CNR1: variants seen among roughly 807,000 people sequenced by gnomAD.
CNR1 encodes the protein cannabinoid receptor 1 (brain).
Under a neutral mutation model 23.0 loss-of-function variants are expected in CNR1, and 10 were observed. The ratio of observed to expected loss-of-function variants is 0.43; its 90% CI spans 0.27 to 0.74. The LOEUF (loss-of-function observed/expected upper bound fraction) is 0.74. Among genes scored for constraint, CNR1 ranks in the 30% least tolerant of loss-of-function variants. The pLI, the probability that CNR1 is intolerant of heterozygous loss-of-function variation, is 0.19. For synonymous variants in CNR1, 271 were observed against 255.2 expected, an observed-to-expected ratio of 1.06 and a Z score of -0.59; for missense variants, 422 against 618.8, an observed-to-expected ratio of 0.68 and a Z score of 3.37.
chr6:88,151,678 A>T (rs1308226079), intron 1 of CNR1, among the ~76,000 whole-genome samples: 2 of 151,398 alleles, frequency 1.3e-5, no homozygotes, highest in African/African-American at 4.8e-5. Context: ...AATATATTAT[A>T]ATAATATAAT....
rs551081072 is a variant in CNR1 at position 88,160,220 on chromosome 6, A to G, written c.-64+5583T>C. 1.6e-3 allele frequency among the ~76,000 whole-genome samples: 246 copies of G among 152,098 alleles called. 1 individual carries two copies. The highest frequency in any genetic ancestry group is 6.8e-3 in the Middle Eastern group (2 of 294). ...GCATGAGAATCGCTTGAACCCAGGA[A>G]GCGGAGGCTGCAGTGAGCCGAGATT... On this transcript the variant is annotated intron_variant, in intron 1 of 1. Coordinates refer to ENST00000369501, the MANE Select transcript of CNR1 (RefSeq NM_016083.6).
chr6:88,149,725 A>C (rs1217373824), intron 1 of CNR1, among the ~76,000 whole-genome samples: 1 of 152,184 alleles, frequency 6.6e-6, no homozygotes, highest in African/African-American at 2.4e-5. Context: ...TTATCTTTCC[A>C]GGTCTGTGCC....
At chr6:88,149,805 A>G (rs1777422676) in intron 1 of CNR1, among the ~76,000 whole-genome samples, 2 of 152,172 alleles carry the variant, frequency 1.3e-5, no homozygotes, top group Admixed American at 6.5e-5. Context: ...TCCCCAGCAC[A>G]TCCCTCTATT....
In CNR1 at chr6:88,144,567, C is replaced by T. The variant is rs577054667; in HGVS notation, c.708G>A (p.Ala236=). 42 of 1,614,210 alleles carry T rather than the reference C, an allele frequency of 2.6e-5. No homozygotes were observed. Among genetic ancestry groups the T allele is most frequent in the Middle Eastern group, 3.3e-4 (2 of 6,062 alleles). The change falls in exon 2 of 2, where the codon GCG becomes GCA. Residue 236 remains alanine (A), a synonymous_variant. Transcript: ENST00000369501. The surrounding 1 kb of genome is among the most constrained non-coding windows in gnomAD (Gnocchi z 7.8). ...RIVTRPKAVV[A]FCLMWTIAIV... ...TGGCTATGGTCCACATCAGGCAAAACGCCACCACGGCCTTGGGCCTGGTGA... is the reference window on the plus strand; with the variant it reads ...TGGCTATGGTCCACATCAGGCAAAATGCCACCACGGCCTTGGGCCTGGTGA...
chr6:88,140,384 G>A lies in CNR1; in HGVS notation c.*3472C>T, dbSNP rs75853128. The A allele has an allele frequency of 4.2e-3, 637 of 152,854 alleles. 3 individuals carry two copies. The highest frequency in any genetic ancestry group is 6.7e-3 in the Non-Finnish European group (457 of 68,010). The allele number at this position is 152,854 out of a possible 1,614,324, so 9.5% of individuals were successfully genotyped here. A position where few individuals can be genotyped will look rare whatever the true frequency, so the allele number is the denominator to read the frequency against. On this transcript the variant is annotated 3_prime_UTR_variant, in exon 2 of 2. Transcript: ENST00000369501. ...GCAATGTAAAGAAACTCTCCCATCC[G>A]AAAATTACTGATTTGTAGGCCACTG...
At chr6:88,154,385 C>T (rs759781507) in intron 1 of CNR1, among the ~76,000 whole-genome samples, 2 of 152,136 alleles carry the variant, frequency 1.3e-5, no homozygotes, top group East Asian at 1.9e-4. Flanking sequence ...TTAGGAACTA[C>T]GTGGTGATGA....
rs544173335 is a variant in CNR1 at position 88,140,612 on chromosome 6, C to A, written c.*3244G>T. ...AATATACAGTTAGAGTGTGAGAAAT[C>A]TAATTGTGTGCATGATATGGGTGGT... On this transcript the variant is annotated 3_prime_UTR_variant, in exon 2 of 2. Transcript: ENST00000369501. 2 of 152,566 alleles carry A rather than the reference C, an allele frequency of 1.3e-5. No individual in the cohort carries two copies. The highest frequency in any genetic ancestry group is 4.1e-4 in the South Asian group (2 of 4,820). 9.5% of individuals were successfully genotyped at this position (152,566 alleles called of 1,614,324 possible).
In CNR1 at chr6:88,140,839, A is replaced by T. The variant is rs1051278830; in HGVS notation, c.*3017T>A. ...GCTTGGAAATCATCTCAAGTGTAGG[A>T]CAGATGTCTACAGCATCTCTCAGAT... is the stretch of plus-strand genomic sequence containing the variant. On this transcript the variant is annotated 3_prime_UTR_variant, in exon 2 of 2. Transcript: ENST00000369501. 6.6e-6 allele frequency: 1 copy of T among 152,360 alleles called. No homozygotes were observed. Among genetic ancestry groups the T allele is most frequent in the African/African-American group, 2.4e-5 (1 of 41,450 alleles). The allele number at this position is 152,360 out of a possible 1,614,324, so 9.4% of individuals were successfully genotyped here. A position where few individuals can be genotyped will look rare whatever the true frequency, so the allele number is the denominator to read the frequency against.
intron 1 of CNR1, among the ~76,000 whole-genome samples, chr6:88,150,309 A>T (rs1777448535): frequency 6.6e-6 from 1 of 152,236 alleles, no homozygotes; most frequent in Admixed American, 6.5e-5. Context: ...TACAGAGAAA[A>T]GTCAATCTCT....
At position 88,143,927 on chromosome 6, in the gene CNR1, T is replaced by C. The variant is rs951061482; in HGVS notation, c.1348A>G (p.Ile450Val). ...ASVHRAAESC[I>V]KSTVKIAKVT... Reference sequence around the variant, plus strand: ...TTGGCAATCTTGACCGTGCTCTTGATGCAGCTTTCTGCGGCCCTGTGAACA... The same window carrying C: ...TTGGCAATCTTGACCGTGCTCTTGACGCAGCTTTCTGCGGCCCTGTGAACA... Residue 450 changes from isoleucine to valine, a missense_variant, in exon 2 of 2, where the codon ATC (isoleucine) becomes GTC (valine). This residue lies in a region of CNR1 where 79 missense variants were observed against 98.0 expected (regional missense o/e 0.81). Transcript: ENST00000369501. 5 of 1,614,038 alleles carry C rather than the reference T, an allele frequency of 3.1e-6. No individual in the cohort carries two copies. The highest frequency in any genetic ancestry group is 4.2e-6 in the Non-Finnish European group (5 of 1,180,038).
chr6:88,165,593 C>G (rs966114606), intron 1 of CNR1, among the ~76,000 whole-genome samples: 1 of 152,212 alleles, frequency 6.6e-6, no homozygotes, highest in Non-Finnish European at 1.5e-5. Context: ...GGTGCACACA[C>G]ATTCAATAAA....
intron 1 of CNR1, among the ~76,000 whole-genome samples, chr6:88,163,774 T>C (rs1251768408): frequency 6.6e-6 from 1 of 152,238 alleles, no homozygotes; most frequent in East Asian, 1.9e-4. Context: ...AGCAGTTTCA[T>C]CTTGGTAACA....
chr6:88,156,176 G>A (rs1012442271), intron 1 of CNR1, among the ~76,000 whole-genome samples: 2 of 152,154 alleles, frequency 1.3e-5, no homozygotes, highest in Admixed American at 6.5e-5. Flanking sequence ...ATGAGTGACC[G>A]TTACCATCTC....
At chr6:88,159,725 T>G (rs1299082529) in intron 1 of CNR1, among the ~76,000 whole-genome samples, 1 of 152,224 alleles carries the variant, frequency 6.6e-6, no homozygotes, top group Non-Finnish European at 1.5e-5. Flanking sequence ...ATTGTCTAGC[T>G]TTCGTTTTTC....
At chr6:88,153,808 A>C (rs1777655145) in intron 1 of CNR1, among the ~76,000 whole-genome samples, 1 of 152,258 alleles carries the variant, frequency 6.6e-6, no homozygotes, top group Non-Finnish European at 1.5e-5. Context: ...CATGCTGTCA[A>C]TATACACGGC....
In CNR1 at chr6:88,145,015, G is replaced by A. The variant is rs756153990; in HGVS notation, c.260C>T (p.Ser87Leu). 1.1e-5 allele frequency: 17 copies of A among 1,613,958 alleles called. No individual in the cohort carries two copies. Among genetic ancestry groups the A allele is most frequent in the South Asian group, 5.5e-5 (5 of 91,084 alleles). Reference protein sequence around the residue: ...NITEFYNKSLSSFKENEENIQ... With the variant: ...NITEFYNKSLLSFKENEENIQ... The stretch of plus-strand genomic sequence containing the variant: ...GTTCTCCTCATTCTCCTTGAAGGAC[G>A]AGAGAGACTTGTTGTAAAATTCTGT... Residue 87 changes from serine (S) to leucine (L), a missense_variant, in exon 2 of 2, where the codon TCG becomes TTG. This residue lies in a region of CNR1 where 120 missense variants were observed against 117.6 expected (regional missense o/e 1.02). Coordinates refer to ENST00000369501, the MANE Select transcript of CNR1 (RefSeq NM_016083.6).
Position 88,142,736 on chromosome 6 carries a change from T to C in CNR1, c.*1120A>G, listed in dbSNP as rs1186066164. On this transcript the variant is annotated 3_prime_UTR_variant, in exon 2 of 2. Transcript: ENST00000369501. ...CAGTTTTCTCACTTTATGACATTAC[T>C]GTAACAGTTACAGGACAGAAACACA... 3.9e-5 allele frequency: 6 copies of C among 152,630 alleles called. No homozygotes were observed. Among genetic ancestry groups the C allele is most frequent in the Non-Finnish European group, 8.8e-5 (6 of 68,042 alleles). 9.5% of individuals were successfully genotyped at this position (152,630 alleles called of 1,614,324 possible).
chr6:88,155,028 T>C (rs994752639), intron 1 of CNR1, among the ~76,000 whole-genome samples: 9 of 152,390 alleles, frequency 5.9e-5, no homozygotes, highest in Admixed American at 5.2e-4. Context: ...AGGTGATATA[T>C]TATTCTGGTC....
At chr6:88,167,159 C>G (rs1301624898), upstream of CNR1, among the ~76,000 whole-genome samples, 3 of 152,096 alleles carry the variant, frequency 2.0e-5, no homozygotes, top group African/African-American at 4.8e-5. Context: ...CGCGCCCCCT[C>G]CCCGGCCACC....
Sources: gnomAD v4.1 joint callset for allele counts (sites outside exome capture counted in the v4.1 genomes callset) on GRCh38, gnomAD v4.1.1 for gene constraint, gnomAD v4.1.1 regional missense constraint, Gnocchi (gnomAD v3.1) non-coding constraint, MANE v1.5 for transcripts, NCBI Gene and HGNC (gene_info 2026-07-23, HGNC 2026-07-21) for gene names.